NRXN3: variants seen among roughly 807,000 people sequenced by gnomAD.
The protein encoded by NRXN3 is neurexin III.
NRXN3 carries 32 observed loss-of-function variants against 137.6 expected under a neutral mutation model. That is an observed-to-expected ratio of 0.23 (90% confidence interval 0.18 to 0.31). The LOEUF is 0.31. Ranked by LOEUF, NRXN3 falls within the 10% of genes least tolerant of loss-of-function variation. NRXN3 has a pLI of 1.00. For synonymous variants in NRXN3, 798 were observed against 784.5 expected (o/e 1.02, Z -0.29); for missense variants, 1,574 against 2,062.5 (o/e 0.76, Z 4.59).
chr14:79,330,468 A>G (rs1416109262), intron 15 of NRXN3, among the ~76,000 whole-genome samples: 2 of 152,170 alleles, frequency 1.3e-5, no homozygotes, highest in Non-Finnish European at 2.9e-5. Flanking sequence ...GTTTGCTAAA[A>G]TAACCATGAA....
At chr14:79,363,397 TA>T (rs2093757453) in intron 15 of NRXN3, among the ~76,000 whole-genome samples, 1 of 152,200 alleles carries the variant, frequency 6.6e-6, no homozygotes, top group African/African-American at 2.4e-5. Flanking sequence ...ATTTCAACAT[TA>T]AAATGTCTCC....
chr14:79,134,397 C>G (rs2058002415), intron 15 of NRXN3, among the ~76,000 whole-genome samples: 1 of 152,184 alleles, frequency 6.6e-6, no homozygotes, highest in East Asian at 1.9e-4. Flanking sequence ...TGGTAAGAGA[C>G]TATCTTCTAA....
rs546290201 is a variant in NRXN3 at position 78,927,373 on chromosome 14, G to T, written c.2276-29869G>T. On this transcript the variant is annotated intron_variant, in intron 10 of 20. Transcript: ENST00000335750. ...TGCCTTGGGGAACAAGCGTAAGGAG[G>T]AGGGTTTCCTCAGAGCAGAAAGGAG... Among the ~76,000 whole-genome samples the T allele has an allele frequency of 1.2e-4, 19 of 152,032 alleles. No individual in the cohort carries two copies. The Middle Eastern group carries it at 0.014, about 109-fold the overall frequency.
intron 3 of NRXN3, among the ~76,000 whole-genome samples, chr14:78,294,462 A>G (rs943312456): frequency 6.7e-6 from 1 of 150,252 alleles, no homozygotes; most frequent in African/African-American, 2.5e-5. Context: ...AGGTTGAGGC[A>G]GGAGAATCAC....
At chr14:78,341,617 T>C (rs2082154694) in intron 4 of NRXN3, among the ~76,000 whole-genome samples, 1 of 152,174 alleles carries the variant, frequency 6.6e-6, no homozygotes, top group Non-Finnish European at 1.5e-5. Context: ...AGTTAGGTGA[T>C]TCTCATGTGC....
At chr14:78,967,837 G>A (rs1290136250) in intron 13 of NRXN3, among the ~76,000 whole-genome samples, 1 of 151,990 alleles carries the variant, frequency 6.6e-6, no homozygotes, top group African/African-American at 2.4e-5. Context: ...AGTTTTGATG[G>A]CATGTCTGTA....
intron 15 of NRXN3, among the ~76,000 whole-genome samples, chr14:79,324,010 T>A (rs975009574): frequency 6.6e-6 from 1 of 152,218 alleles, no homozygotes; most frequent in East Asian, 1.9e-4. Context: ...GCAGAAAATA[T>A]TTGTTAAGCA....
chr14:78,622,945 A>G (rs902560033), intron 4 of NRXN3, among the ~76,000 whole-genome samples: 2 of 152,244 alleles, frequency 1.3e-5, no homozygotes, highest in Non-Finnish European at 2.9e-5. Flanking sequence ...GGTACCATTT[A>G]TTAATTACTT....
At chr14:78,700,154 A>G (rs1401883256) in intron 6 of NRXN3, among the ~76,000 whole-genome samples, 1 of 152,170 alleles carries the variant, frequency 6.6e-6, no homozygotes, top group African/African-American at 2.4e-5. Context: ...ATTGTGTCTC[A>G]TGGTCTATCC....
At chr14:78,215,227 A>C (rs1249489407) in intron 1 of NRXN3, among the ~76,000 whole-genome samples, 1 of 152,102 alleles carries the variant, frequency 6.6e-6, no homozygotes, top group African/African-American at 2.4e-5. Context: ...GACCCTGTAG[A>C]TGAGATCTTT....
intron 6 of NRXN3, among the ~76,000 whole-genome samples, chr14:78,689,764 C>T (rs1269751782): frequency 6.6e-6 from 1 of 152,072 alleles, no homozygotes; most frequent in East Asian, 1.9e-4. Flanking sequence ...GACACCCCTT[C>T]TCTGGAGTAT....
rs776827662 is a variant in NRXN3 at position 78,709,276 on chromosome 14, C to T, written c.1281C>T (p.Asp427=). The T allele has an allele frequency of 1.2e-6, 2 of 1,614,078 alleles. No individual in the cohort carries two copies. The highest frequency in any genetic ancestry group is 1.1e-5 in the South Asian group (1 of 91,076). Residue 427 remains aspartate (D), a synonymous_variant, in exon 7 of 21, where the codon GAC becomes GAT. Coordinates refer to ENST00000335750, the MANE Select transcript of NRXN3 (RefSeq NM_001330195.2). ...TGTCTCGCCTGGCCCGGATTGCGGA[C>T]ACCAAGATGAAAATCTATGGCGAAG... ...LELSRLARIA[D]TKMKIYGEVV... is the part of the protein sequence containing the mutation.
At chr14:78,545,783 C>CT (rs2096631525) in intron 4 of NRXN3, among the ~76,000 whole-genome samples, 1 of 152,134 alleles carries the variant, frequency 6.6e-6, no homozygotes, top group South Asian at 2.1e-4. Context: ...TTTGCAATCT[C>CT]TTTTTCCTCT....
intron 16 of NRXN3, among the ~76,000 whole-genome samples, chr14:79,571,740 T>G: frequency 6.6e-6 from 1 of 152,078 alleles, no homozygotes; most frequent in Non-Finnish European, 1.5e-5. Flanking sequence ...ATGTGAGGGG[T>G]GTGGATAGAT....
intron 15 of NRXN3, among the ~76,000 whole-genome samples, chr14:79,132,480 T>C (rs1047645778): frequency 5.3e-5 from 8 of 152,230 alleles, no homozygotes; most frequent in Non-Finnish European, 1.0e-4. Context: ...ATATTTTGAA[T>C]ATATTGGGTT....
intron 16 of NRXN3, among the ~76,000 whole-genome samples, chr14:79,498,503 C>T (rs1010732764): frequency 2.0e-5 from 3 of 152,196 alleles, no homozygotes; most frequent in Non-Finnish European, 4.4e-5. Flanking sequence ...GATCCCCCAA[C>T]CTGCTCCTTA....
chr14:79,768,531 A>C (rs917329893), intron 19 of NRXN3, among the ~76,000 whole-genome samples: 8 of 152,192 alleles, frequency 5.3e-5, no homozygotes, highest in Non-Finnish European at 1.5e-5. Flanking sequence ...CTCACATGGC[A>C]GGGTACTCCA....
At chr14:78,777,793 C>G (rs1025687064) in intron 8 of NRXN3, among the ~76,000 whole-genome samples, 2 of 152,096 alleles carry the variant, frequency 1.3e-5, no homozygotes, top group Non-Finnish European at 2.9e-5. Flanking sequence ...GACAGAGTCT[C>G]GTTCTGTCAC....
chr14:79,101,924 T>C (rs369559152), intron 15 of NRXN3, among the ~76,000 whole-genome samples: 2 of 151,922 alleles, frequency 1.3e-5, no homozygotes, highest in African/African-American at 4.8e-5. Context: ...CATGAGAAGA[T>C]ATGGACACAC....
Sources: allele counts gnomAD v4.1 joint callset (sites outside exome capture counted in the v4.1 genomes callset), GRCh38; gene constraint gnomAD v4.1.1; transcripts MANE v1.5; gene names NCBI Gene and HGNC (gene_info 2026-07-23, HGNC 2026-07-21).